Variants in CD109 observed in about 807,000 individuals in gnomAD.
CD109 encodes CD109 antigen.
Under a neutral mutation model 165.8 loss-of-function variants are expected in CD109, and 149 were observed. That is an observed-to-expected ratio of 0.90 (90% CI 0.79 to 1.03). The LOEUF (loss-of-function observed/expected upper bound fraction) is 1.03. CD109 is among the 50% of genes least tolerant of loss of function. The pLI is 0.00. For synonymous variants in CD109, 585 were observed against 592.1 expected (o/e 0.99, Z 0.18); for missense variants, 1,712 against 1,677.8 (o/e 1.02, Z -0.36).
chr6:73,700,570 T>A (rs1771026819), intron 2 of CD109, among the ~76,000 whole-genome samples: 1 of 152,100 alleles, frequency 6.6e-6, no homozygotes, highest in Non-Finnish European at 1.5e-5. Flanking sequence ...CTGGCTCAAT[T>A]TGTGTTGGAA....
chr6:73,777,523 T>G (rs1052764260), intron 15 of CD109, among the ~76,000 whole-genome samples: 2 of 152,230 alleles, frequency 1.3e-5, no homozygotes, highest in Non-Finnish European at 2.9e-5. Context: ...CTAGGTTGTC[T>G]TCCAGGGTTT....
At chr6:73,744,622 CT>C (rs1772910791) in intron 5 of CD109, among the ~76,000 whole-genome samples, 1 of 152,118 alleles carries the variant, frequency 6.6e-6, no homozygotes, top group Non-Finnish European at 1.5e-5. Context: ...ATTCTTGTGT[CT>C]TTATTCAGCC....
At chr6:73,813,345 C>T (rs1205347823) in intron 29 of CD109, among the ~76,000 whole-genome samples, 1 of 152,108 alleles carries the variant, frequency 6.6e-6, no homozygotes, top group Non-Finnish European at 1.5e-5. Context: ...ATTATATGTA[C>T]TTAAATCACC....
intron 23 of CD109, among the ~76,000 whole-genome samples, chr6:73,794,679 T>G (rs915457851): frequency 6.6e-6 from 1 of 152,126 alleles, no homozygotes; most frequent in Non-Finnish European, 1.5e-5. Context: ...GAATCAGGGC[T>G]GAGTGTGGCC....
At chr6:73,803,129 C>T in intron 23 of CD109, 91 bp from the exon 24 acceptor site, 4 of 833,924 alleles carry the variant, frequency 4.8e-6, no homozygotes. Context: ...CCCTCTCTGC[C>T]CATATTTCCT....
chr6:73,810,059 T>A lies in CD109; in HGVS notation c.3431T>A (p.Val1144Asp), dbSNP rs762203980. 2 of 1,607,820 alleles carry A rather than the reference T, an allele frequency of 1.2e-6. No homozygotes were observed. Among genetic ancestry groups the A allele is most frequent in the Non-Finnish European group, 1.7e-6 (2 of 1,178,042 alleles). Residue 1144 changes from valine (V) to aspartate (D), a missense_variant, in exon 27 of 33, where the codon GTT (valine) becomes GAT (aspartate). Transcript: ENST00000287097. ...CAGCCACGCTCCCTGGATATTGAAG[T>A]TGCAGCCTATGCACTGCTCTCACAC... is the stretch of plus-strand genomic sequence containing the variant. ...SWQPRSLDIEVAAYALLSHFL... is the reference protein window; with the variant it reads ...SWQPRSLDIEDAAYALLSHFL...
chr6:73,799,757 A>G (rs1160353482), intron 23 of CD109, among the ~76,000 whole-genome samples: 1 of 152,200 alleles, frequency 6.6e-6, no homozygotes, highest in African/African-American at 2.4e-5. Flanking sequence ...GTGGGGACAA[A>G]TATACCAGTA....
intron 26 of CD109, among the ~76,000 whole-genome samples, chr6:73,809,198 C>T (rs556036039): frequency 6.6e-6 from 1 of 152,180 alleles, no homozygotes; most frequent in African/African-American, 2.4e-5. Context: ...AGAATTATCT[C>T]TAGGAAGGTT....
intron 22 of CD109, among the ~76,000 whole-genome samples, chr6:73,789,562 T>A (rs1774838852): frequency 6.6e-6 from 1 of 151,088 alleles, no homozygotes; most frequent in Non-Finnish European, 1.5e-5. Context: ...CACGCCATTC[T>A]CCTGCCACAG....
chr6:73,737,867 GT>G (rs1338735799), intron 5 of CD109, among the ~76,000 whole-genome samples: 6 of 152,152 alleles, frequency 3.9e-5, no homozygotes, highest in African/African-American at 1.4e-4. Context: ...GAAGCACGTT[GT>G]GAGTTTAAAG....
intron 29 of CD109, among the ~76,000 whole-genome samples, chr6:73,813,428 G>T (rs1406671102): frequency 6.6e-6 from 1 of 152,104 alleles, no homozygotes; most frequent in Non-Finnish European, 1.5e-5. Context: ...TTTTACTTGA[G>T]GCTTGAAGCA....
Position 73,766,820 on chromosome 6 carries a change from A to G in CD109, c.1394A>G (p.Lys465Arg), listed in dbSNP as rs1162613641. ...AVHSLFKSPS[K>R]TYIQLKTRDE... The stretch of plus-strand genomic sequence containing the variant: ...CATAGTCTGTTTAAGTCTCCTAGTA[A>G]GACATACATCCAACTAAAAACAAGA... The change falls in exon 12 of 33, where the codon AAG becomes AGG. Residue 465 changes from lysine (K) to arginine (R), a missense_variant. Coordinates refer to ENST00000287097, the MANE Select transcript of CD109 (RefSeq NM_133493.5). The G allele has an allele frequency of 1.2e-6, 2 of 1,613,176 alleles. No homozygotes were observed. Among genetic ancestry groups the G allele is most frequent in the Admixed American group, 1.7e-5 (1 of 60,006 alleles).
intron 2 of CD109, among the ~76,000 whole-genome samples, chr6:73,705,004 T>A (rs547678044): frequency 2.6e-5 from 4 of 152,290 alleles, no homozygotes; most frequent in African/African-American, 9.6e-5. Flanking sequence ...ATTTGGCCTT[T>A]GGAGGGAACA....
rs548342633 is a variant in CD109, at chr6:73,717,738, G to A, written c.248-5513G>A. 4.2e-3 allele frequency among the ~76,000 whole-genome samples: 623 copies of A among 147,630 alleles called. 2 individuals carry two copies. The highest frequency in any genetic ancestry group is 6.8e-3 in the Non-Finnish European group (457 of 67,422). ...GGGTTCAGGGCATTCTCCTACCTCA[G>A]ACTTCCAAGTAGCTGGGACTACAGG... On this transcript the variant is annotated intron_variant, in intron 2 of 32. Transcript: ENST00000287097.
rs1224070277 is a variant in CD109 at position 73,771,419 on chromosome 6, T to G, written c.1675-10T>G. 6.3e-7 allele frequency: 1 copy of G among 1,595,914 alleles called. No homozygotes were observed. Among genetic ancestry groups the G allele is most frequent in the Non-Finnish European group, 8.5e-7 (1 of 1,173,394 alleles). ...TGAAATAAGTTAATCCTCCTTTCTCTCTTTTTTAGATAAAGCTATATTGGA... is the reference window on the plus strand; with the variant it reads ...TGAAATAAGTTAATCCTCCTTTCTCGCTTTTTTAGATAAAGCTATATTGGA... On this transcript the variant is annotated splice_polypyrimidine_tract_variant and intron_variant, in intron 14 of 32. Coordinates refer to ENST00000287097, the MANE Select transcript of CD109 (RefSeq NM_133493.5).
intron 1 of CD109, among the ~76,000 whole-genome samples, chr6:73,697,089 T>G (rs1770869405): frequency 6.6e-6 from 1 of 152,232 alleles, no homozygotes; most frequent in African/African-American, 2.4e-5. Flanking sequence ...AACTCCATTA[T>G]GCCCCGGTGC....
chr6:73,742,700 C>T (rs1772839284), intron 5 of CD109, among the ~76,000 whole-genome samples: 1 of 152,246 alleles, frequency 6.6e-6, no homozygotes, highest in African/African-American at 2.4e-5. Context: ...GAAGTCTCTT[C>T]TTCTTTCTAG....
chr6:73,803,459 A>G (rs944351832), intron 24 of CD109, among the ~76,000 whole-genome samples, 158 bp downstream of exon 24: 5 of 152,188 alleles, frequency 3.3e-5, no homozygotes, highest in Non-Finnish European at 7.4e-5. Flanking sequence ...TTTTTAAAGT[A>G]TTATTTTCAA....
intron 13 of CD109, among the ~76,000 whole-genome samples, chr6:73,767,585 A>T (rs2150231066): frequency 6.6e-6 from 1 of 152,326 alleles, no homozygotes; most frequent in East Asian, 1.9e-4. Context: ...ATCAAATAAA[A>T]AACCTTTTTT....
Sources: gnomAD v4.1 joint callset for allele counts (sites outside exome capture counted in the v4.1 genomes callset) on GRCh38, gnomAD v4.1.1 for gene constraint, MANE v1.5 for transcripts, NCBI Gene and HGNC (gene_info 2026-07-23, HGNC 2026-07-21) for gene names.